Variants in C16orf96 observed in about 807,000 individuals in gnomAD.
C16orf96 encodes uncharacterized protein C16orf96.
In C16orf96, 108 loss-of-function variants were observed where a neutral mutation model predicts 103.6. The ratio of observed to expected loss-of-function variants is 1.04; its 90% CI spans 0.89 to 1.22. The LOEUF (loss-of-function observed/expected upper bound fraction) is 1.22. Ranked by LOEUF, C16orf96 falls within the 50% of genes most tolerant of loss-of-function variation. The pLI is 0.00. For missense variants in C16orf96, 1,586 were observed against 1,464.2 expected (o/e 1.08, Z -1.36); for synonymous variants, 566 against 593.5 (o/e 0.95, Z 0.67).
intron 1 of C16orf96, among the ~76,000 whole-genome samples, chr16:4,562,155 G>A (rs17830358): frequency 0.05 from 7,663 of 152,124 alleles, 239 homozygotes; most frequent in Middle Eastern, 0.16. Flanking sequence ...ATGCCAATGG[G>A]GAATCAGTTC....
Position 4,600,306 on chromosome 16 carries a change from G to A in C16orf96, c.3415G>A (p.Ala1139Thr), listed in dbSNP as rs576049742. The change falls in exon 16 of 16, where the codon GCC becomes ACC. Residue 1139 changes from alanine to threonine, a missense_variant. Physicochemically the swap from Ala to Thr is moderately conservative, Grantham distance 58. Coordinates refer to ENST00000444310, the MANE Select transcript of C16orf96 (RefSeq NM_001145011.2). ...RVGRKPPEEP[A>T]NP ...CGGCAGGAAGCCCCCCGAGGAGCCC[G>A]CCAACCCGTGAGCCCCACCCCGCTG... is the stretch of plus-strand genomic sequence containing the variant. 13 of 1,548,088 alleles carry A rather than the reference G, an allele frequency of 8.4e-6. No individual in the cohort carries two copies. The highest frequency in any genetic ancestry group is 3.6e-5 in the South Asian group (3 of 83,958).
the C16orf96 span, among the ~76,000 whole-genome samples, chr16:4,546,866 A>G: frequency 6.6e-6 from 1 of 152,226 alleles, no homozygotes; most frequent in East Asian, 1.9e-4. Flanking sequence ...CATTCCATAA[A>G]AAGGAATGAA....
intron 6 of C16orf96, 142 bp downstream of exon 6, chr16:4,579,167 G>C: frequency 8.1e-6 from 6 of 739,670 alleles, no homozygotes; most frequent in Non-Finnish European, 1.1e-5. Flanking sequence ...GGCTGCGAAG[G>C]CAGCTGCTGC....
intron 6 of C16orf96, 50 bp downstream of exon 6, chr16:4,579,075 G>C: frequency 1.3e-6 from 2 of 1,489,378 alleles, no homozygotes; most frequent in South Asian, 2.4e-5. Flanking sequence ...CTTGAGGTGA[G>C]CTGGCTGAAG....
rs547341368 is a variant in C16orf96 at position 4,594,806 on chromosome 16, G to A, written c.3127+3G>A. On this transcript the variant is annotated splice_donor_region_variant and intron_variant, in intron 14 of 15. Transcript: ENST00000444310. ...GGCCGTCGCAAAGGAGCTGGCAGGT[G>A]AGGGGCGTAGGGCTCCCTGGGGCAC... The A allele has an allele frequency of 3.9e-6, 6 of 1,549,854 alleles. No homozygotes were observed. Among genetic ancestry groups the A allele is most frequent in the East Asian group, 4.9e-5 (2 of 40,906 alleles).
At chr16:4,549,414 A>C in the C16orf96 span, among the ~76,000 whole-genome samples, 1 of 149,682 alleles carries the variant, frequency 6.7e-6, no homozygotes, top group African/African-American at 2.5e-5. Flanking sequence ...CGGAGCTCGC[A>C]GTGAGCCAAG....
intron 1 of C16orf96, among the ~76,000 whole-genome samples, chr16:4,569,741 C>T (rs1322745269): frequency 6.6e-6 from 1 of 151,936 alleles, no homozygotes; most frequent in Non-Finnish European, 1.5e-5. Flanking sequence ...TTTGACCCCT[C>T]CTTCACCAGT....
rs2059512644 is a variant in C16orf96 at position 4,576,540 on chromosome 16, T to A, written c.2060T>A (p.Met687Lys). 2.6e-6 allele frequency: 4 copies of A among 1,551,398 alleles called. No homozygotes were observed. In the African/African-American group the frequency reaches 4.1e-5, roughly 16 times the overall value. ...AAGAAGAGGGCTGTCAAGTATTCCA[T>A]GAGCCACATAGCCCAGATACCTGTC... ...EDKKRAVKYS[M>K]SHIAQIPVKH... Residue 687 changes from methionine to lysine, a missense_variant, in exon 5 of 16, where the codon ATG (methionine) becomes AAG (lysine). Met to Lys is a moderately conservative substitution (Grantham distance 95). Coordinates refer to ENST00000444310, the MANE Select transcript of C16orf96 (RefSeq NM_001145011.2).
chr16:4,596,858 C>A (rs1353638937), intron 14 of C16orf96, among the ~76,000 whole-genome samples: 2 of 152,200 alleles, frequency 1.3e-5, no homozygotes, highest in Non-Finnish European at 2.9e-5. Flanking sequence ...CCCTCCCTGT[C>A]TCTTCAGCTT....
Position 4,575,171 on chromosome 16 carries a change from C to T in C16orf96, c.694-3C>T. On this transcript the variant is annotated splice_region_variant and splice_polypyrimidine_tract_variant and intron_variant, in intron 4 of 15. Transcript: ENST00000444310. Reference sequence around the variant, plus strand: ...CAGAGCCCCTCTGCCCCCTCTTCTGCAGGAAATTGGTTCATCACCACTGGA... The same window carrying T: ...CAGAGCCCCTCTGCCCCCTCTTCTGTAGGAAATTGGTTCATCACCACTGGA... 1 of 1,545,406 alleles carries T rather than the reference C, an allele frequency of 6.5e-7. No homozygotes were observed. The highest frequency in any genetic ancestry group is 8.7e-7 in the Non-Finnish European group (1 of 1,146,372).
chr16:4,594,902 C>A, intron 14 of C16orf96, 99 bp downstream of exon 14: 1 of 1,289,482 alleles, frequency 7.8e-7, no homozygotes, highest in Non-Finnish European at 1.1e-6. Context: ...CAGCACTATC[C>A]CTGACCGGGG....
At chr16:4,589,882 G>A (rs1379360262) in intron 9 of C16orf96, among the ~76,000 whole-genome samples, 7 of 152,042 alleles carry the variant, frequency 4.6e-5, no homozygotes, top group Non-Finnish European at 8.8e-5. Context: ...CCAGCACTTC[G>A]GGAGGCTGAG....
Position 4,594,764 on chromosome 16 carries a change from C to T in C16orf96, c.3088C>T (p.Arg1030Cys), listed in dbSNP as rs901487393. The T allele has an allele frequency of 1.4e-5, 21 of 1,550,840 alleles. No individual in the cohort carries two copies. The highest frequency in any genetic ancestry group is 7.8e-5 in the Admixed American group (4 of 50,970). The change falls in exon 14 of 16, where the codon CGT becomes TGT. Residue 1030 changes from arginine to cysteine, a missense_variant. Transcript: ENST00000444310. ...ILYKGRVNSQ[R>C]GAQPLAVAKE... ...GTACAAAGGCCGCGTGAACAGCCAGCGTGGGGCTCAGCCCTTGGCCGTCGC... is the reference window on the plus strand; with the variant it reads ...GTACAAAGGCCGCGTGAACAGCCAGTGTGGGGCTCAGCCCTTGGCCGTCGC...
intron 7 of C16orf96, among the ~76,000 whole-genome samples, chr16:4,580,421 G>A (rs2059571537): frequency 6.6e-6 from 1 of 150,726 alleles, no homozygotes; most frequent in African/African-American, 2.4e-5. Flanking sequence ...CACATTTGCT[G>A]AATGACTCAG....
intron 8 of C16orf96, 142 bp from the exon 9 acceptor site, chr16:4,588,025 A>G: frequency 1.4e-6 from 1 of 694,410 alleles, no homozygotes; most frequent in African/African-American, 1.8e-5. Context: ...GAATCCACGT[A>G]GACCCCAGGG....
intron 14 of C16orf96, among the ~76,000 whole-genome samples, chr16:4,599,071 C>A (rs1302867975): frequency 6.6e-6 from 1 of 151,348 alleles, no homozygotes; most frequent in Non-Finnish European, 1.5e-5. Flanking sequence ...TGCGCTCCAG[C>A]CTAGGTGACA....
chr16:4,578,110 C>T (rs1037534330), intron 5 of C16orf96, among the ~76,000 whole-genome samples: 7 of 152,018 alleles, frequency 4.6e-5, no homozygotes, highest in Non-Finnish European at 1.0e-4. Context: ...ACCTTGTCTC[C>T]ATACAAACAA....
chr16:4,588,407 G>T, intron 9 of C16orf96, 76 bp downstream of exon 9: 2 of 1,467,448 alleles, frequency 1.4e-6, no homozygotes, highest in Non-Finnish European at 1.8e-6. Context: ...AACAACAAAC[G>T]TTTTCAGTTT....
chr16:4,542,223 G>T, the C16orf96 span, among the ~76,000 whole-genome samples: 1 of 152,160 alleles, frequency 6.6e-6, no homozygotes, highest in Non-Finnish European at 1.5e-5. Flanking sequence ...AAATTAGCCA[G>T]CTGTGGTGGC....
Sources: gnomAD v4.1 joint callset for allele counts (sites outside exome capture counted in the v4.1 genomes callset) on GRCh38, gnomAD v4.1.1 for gene constraint, MANE v1.5 for transcripts, NCBI Gene and HGNC (gene_info 2026-07-23, HGNC 2026-07-21) for gene names.